ELAVL2: variants seen among roughly 807,000 people sequenced by gnomAD.
ELAVL2 encodes ELAV like RNA binding protein 2.
Under a neutral mutation model 34.6 loss-of-function variants are expected in ELAVL2, and 4 were observed. The ratio of observed to expected loss-of-function variants is 0.12; its 90% CI spans 0.06 to 0.26. The LOEUF (loss-of-function observed/expected upper bound fraction) is 0.26. Ranked by LOEUF, ELAVL2 falls within the 10% of genes least tolerant of loss-of-function variation. ELAVL2 has a pLI of 1.00. For synonymous variants in ELAVL2, 193 were observed against 154.8 expected (o/e 1.25, Z -1.83); for missense variants, 432 against 442.8 (o/e 0.98, Z 0.22).
At chr9:23,740,201 T>C (rs1315073750) in intron 2 of ELAVL2, among the ~76,000 whole-genome samples, 3 of 152,192 alleles carry the variant, frequency 2.0e-5, no homozygotes. Context: ...ATGCTATGTC[T>C]ACCTGTCTGG....
At position 23,789,053 on chromosome 9, in the gene ELAVL2, T is replaced by C. The variant is rs2383291; in HGVS notation, c.-15-26804A>G. On this transcript the variant is annotated intron_variant, in intron 1 of 6. Coordinates refer to ENST00000397312, the MANE Select transcript of ELAVL2 (RefSeq NM_004432.5). ...GAGACCAACGGCTTCTGTATTCTTA[T>C]AGAGGGCAGTGTAAGAATATAGTCC... is the stretch of plus-strand genomic sequence containing the variant. Among the ~76,000 whole-genome samples, 98 of 152,342 alleles carry C rather than the reference T, an allele frequency of 6.4e-4. 1 individual carries two copies. Among genetic ancestry groups the C allele is most frequent in the African/African-American group, 2.2e-3 (92 of 41,582 alleles).
At chr9:23,742,340 G>A (rs942339515) in intron 2 of ELAVL2, among the ~76,000 whole-genome samples, 1 of 152,150 alleles carries the variant, frequency 6.6e-6, no homozygotes, top group African/African-American at 2.4e-5. Flanking sequence ...CACAGTAAAT[G>A]GGGAAAAACT....
intron 1 of ELAVL2, among the ~76,000 whole-genome samples, chr9:23,809,499 T>A (rs909488060): frequency 5.3e-5 from 8 of 152,094 alleles, no homozygotes; most frequent in African/African-American, 1.9e-4. Context: ...AAACATGGGA[T>A]TAGTTAAGGC....
chr9:23,850,383 TC>T, the ELAVL2 span, among the ~76,000 whole-genome samples: 453 of 152,164 alleles, frequency 3.0e-3, 1 homozygote, highest in Middle Eastern at 0.027. Context: ...GGAAAACACT[TC>T]CAGAGGCATT....
At chr9:23,785,768 C>T (rs2059604407) in intron 1 of ELAVL2, among the ~76,000 whole-genome samples, 1 of 152,112 alleles carries the variant, frequency 6.6e-6, no homozygotes, top group Non-Finnish European at 1.5e-5. Flanking sequence ...CCAGTCTGAG[C>T]AGAATAACAG....
intron 1 of ELAVL2, among the ~76,000 whole-genome samples, chr9:23,812,729 T>G (rs1033404422): frequency 3.3e-5 from 5 of 151,140 alleles, no homozygotes; most frequent in African/African-American, 1.2e-4. Context: ...GAGCATACAC[T>G]TATACTAACA....
chr9:23,799,605 TG>T (rs1461711742), intron 1 of ELAVL2, among the ~76,000 whole-genome samples: 1 of 152,192 alleles, frequency 6.6e-6, no homozygotes, highest in East Asian at 1.9e-4. Flanking sequence ...TCTTTGTCAC[TG>T]ATGCTCAATA....
intron 1 of ELAVL2, among the ~76,000 whole-genome samples, chr9:23,802,549 C>T (rs2061694498): frequency 6.6e-6 from 1 of 152,146 alleles, no homozygotes; most frequent in Admixed American, 6.6e-5. Flanking sequence ...ATACAGATTC[C>T]AAGTTTTAAG....
intron 3 of ELAVL2, among the ~76,000 whole-genome samples, chr9:23,706,226 A>G (rs1445553280): frequency 6.6e-6 from 1 of 152,178 alleles, no homozygotes; most frequent in Non-Finnish European, 1.5e-5. Context: ...CACAAGGACG[A>G]AAGACAAAAT....
At chr9:23,708,075 A>C (rs1350160886) in intron 3 of ELAVL2, among the ~76,000 whole-genome samples, 1 of 152,094 alleles carries the variant, frequency 6.6e-6, no homozygotes, top group Admixed American at 6.6e-5. Context: ...TCCACTCTTC[A>C]GTTTATATTG....
At chr9:23,776,740 A>C (rs2058256976) in intron 1 of ELAVL2, among the ~76,000 whole-genome samples, 1 of 63,474 alleles carries the variant, frequency 1.6e-5, no homozygotes, top group African/African-American at 8.3e-5. Context: ...GTTTGCTATC[A>C]AAAAAAAAAA....
intron 5 of ELAVL2, among the ~76,000 whole-genome samples, chr9:23,697,589 A>G (rs1443124401): frequency 3.3e-5 from 5 of 152,208 alleles, no homozygotes; most frequent in Admixed American, 2.0e-4. Context: ...AGATGTGTAT[A>G]AACATTTTTC....
intron 3 of ELAVL2, 78 bp from the exon 4 acceptor site, chr9:23,705,149 G>A (rs10117078): frequency 5.7e-5 from 88 of 1,544,080 alleles, no homozygotes; most frequent in Non-Finnish European, 7.3e-5. Flanking sequence ...AAACTGCCTC[G>A]GTAACTTTCC....
chr9:23,818,334 G>A (rs929969496), intron 1 of ELAVL2, among the ~76,000 whole-genome samples: 3 of 152,144 alleles, frequency 2.0e-5, no homozygotes, highest in Non-Finnish European at 4.4e-5. Flanking sequence ...TAATCTGTGG[G>A]TCCCAGTGCA....
chr9:23,697,535 C>T (rs558838791), intron 5 of ELAVL2, among the ~76,000 whole-genome samples: 7 of 152,190 alleles, frequency 4.6e-5, no homozygotes, highest in East Asian at 3.9e-4. Flanking sequence ...GAATAGCACA[C>T]GCCCATGTAC....
intron 1 of ELAVL2, among the ~76,000 whole-genome samples, chr9:23,812,594 T>C (rs1223788656): frequency 2.6e-5 from 4 of 152,148 alleles, no homozygotes; most frequent in African/African-American, 9.7e-5. Context: ...AAGAATCATA[T>C]AATCATAGAA....
At chr9:23,720,075 C>T (rs1300884668) in intron 3 of ELAVL2, among the ~76,000 whole-genome samples, 2 of 152,114 alleles carry the variant, frequency 1.3e-5, no homozygotes, top group African/African-American at 4.8e-5. Context: ...GATCCACCCG[C>T]CTCAGCCTCC....
At chr9:23,813,422 T>C (rs2063290363) in intron 1 of ELAVL2, among the ~76,000 whole-genome samples, 1 of 152,026 alleles carries the variant, frequency 6.6e-6, no homozygotes, top group Non-Finnish European at 1.5e-5. Flanking sequence ...CTTTTTTTTT[T>C]TTTTTTTACA....
intron 1 of ELAVL2, among the ~76,000 whole-genome samples, chr9:23,799,041 A>G (rs2061290563): frequency 6.6e-6 from 1 of 152,202 alleles, no homozygotes; most frequent in Admixed American, 6.5e-5. Flanking sequence ...AGGATGGAAG[A>G]ACTATTAAAA....
Sources: gnomAD v4.1 joint callset for allele counts (sites outside exome capture counted in the v4.1 genomes callset) on GRCh38, gnomAD v4.1.1 for gene constraint, MANE v1.5 for transcripts, NCBI Gene and HGNC (gene_info 2026-07-23, HGNC 2026-07-21) for gene names.